The following CD300LF variants were observed in gnomAD, a reference collection of about 807,000 sequenced individuals.
The protein encoded by CD300LF is CD300 molecule like family member f, also known as CMRF35-like molecule 1.
A neutral mutation model predicts 32.2 loss-of-function variants in CD300LF; 27 were observed. The observed-to-expected ratio is 0.84, with a 90% CI of 0.62 to 1.15. The LOEUF (loss-of-function observed/expected upper bound fraction) is 1.15. Ranked by LOEUF, CD300LF falls within the 50% of genes most tolerant of loss-of-function variation. The probability of loss-of-function intolerance (pLI) is 0.00; values close to 1 mark genes in which losing one functional copy is unlikely to be tolerated. For missense variants in CD300LF, 348 were observed against 356.8 expected (o/e 0.98, Z 0.20); for synonymous variants, 139 against 143.2 (o/e 0.97, Z 0.21).
chr17:74,710,500 A>T (rs990667206), intron 1 of CD300LF, among the ~76,000 whole-genome samples: 1 of 152,226 alleles, frequency 6.6e-6, no homozygotes, highest in African/African-American at 2.4e-5. Context: ...CATTTACATT[A>T]GCAATAAAAG....
rs549930940 is a variant in CD300LF, at chr17:74,698,198, T to G, written c.559+171A>C. On this transcript the variant is annotated intron_variant, in intron 4 of 6. Transcript: ENST00000326165. ...ATGCCAAAACCTCCTGGGGCTCCCC[T>G]GCAAGCTCCAGGGCGCCCCCCGGTC... 4.8e-3 allele frequency among the ~76,000 whole-genome samples: 724 copies of G among 152,320 alleles called. 5 individuals are homozygous for G. Among genetic ancestry groups the G allele is most frequent in the Non-Finnish European group, 6.1e-3 (418 of 68,018 alleles).
In CD300LF at chr17:74,704,509, A is replaced by G. The variant is rs1441239758; in HGVS notation, c.351T>C (p.Leu117=). The change falls in exon 2 of 7, where the codon CTT becomes CTC. Residue 117 remains leucine (L), a synonymous_variant. Coordinates refer to ENST00000326165, the MANE Select transcript of CD300LF (RefSeq NM_139018.5). ...WCGIEKTGND[L]GVTVQVTIDP... Reference sequence around the variant, plus strand: ...CAATGGTCACTTGAACTGTGACCCCAAGGTCATTTCCAGTTTTCTCAATTC... The same window carrying G: ...CAATGGTCACTTGAACTGTGACCCCGAGGTCATTTCCAGTTTTCTCAATTC... 6.2e-7 allele frequency: 1 copy of G among 1,613,942 alleles called. No homozygotes were observed. The highest frequency in any genetic ancestry group is 2.2e-5 in the East Asian group (1 of 44,886).
Position 74,704,472 on chromosome 17 carries a change from T to A in CD300LF, c.382+6A>T, listed in dbSNP as rs769410666. The A allele has an allele frequency of 6.2e-7, 1 of 1,602,744 alleles. No homozygotes were observed. Among genetic ancestry groups the A allele is most frequent in the Non-Finnish European group, 8.5e-7 (1 of 1,172,298 alleles). ...GAGACACACACATATATACACTCCC[T>A]CTTACCTGGGTCAATGGTCACTTGA... On this transcript the variant is annotated splice_donor_region_variant and intron_variant, in intron 2 of 6. Transcript: ENST00000326165.
chr17:74,706,629 T>C (rs765676085), intron 1 of CD300LF, among the ~76,000 whole-genome samples: 3 of 151,956 alleles, frequency 2.0e-5, no homozygotes, highest in Non-Finnish European at 2.9e-5. Context: ...GATGGCGCCA[T>C]AGCACTCCAG....
chr17:74,709,630 G>A (rs944484209), intron 1 of CD300LF, among the ~76,000 whole-genome samples: 1 of 151,938 alleles, frequency 6.6e-6, no homozygotes, highest in Non-Finnish European at 1.5e-5. Context: ...GCACTGGTAC[G>A]AACATGGGTC....
chr17:74,710,343 G>A (rs767851871), intron 1 of CD300LF, among the ~76,000 whole-genome samples: 132 of 145,202 alleles, frequency 9.1e-4, no homozygotes, highest in Non-Finnish European at 1.7e-3. Context: ...AGGGAAAAAA[G>A]TTAGAGAAAA....
chr17:74,705,334 C>G (rs2033420738), intron 1 of CD300LF: 1 of 675,456 alleles, frequency 1.5e-6, no homozygotes, highest in Admixed American at 2.0e-5. Flanking sequence ...GGATGAATGC[C>G]TTTGAAGTTG....
rs963685644 is a variant in CD300LF at position 74,700,154 on chromosome 17, A to C, written c.447-1673T>G. 2.7e-5 allele frequency among the ~76,000 whole-genome samples: 4 copies of C among 150,098 alleles called. No homozygotes were observed. The East Asian group carries it at 8.0e-4, about 30-fold the overall frequency. ...AAGACCCTGTCTCAATAAATAAATAAATAAATAAATAAATAAACAAACAAA... is the reference window on the plus strand; with the variant it reads ...AAGACCCTGTCTCAATAAATAAATACATAAATAAATAAATAAACAAACAAA... On this transcript the variant is annotated intron_variant, in intron 3 of 6. Transcript: ENST00000326165.
chr17:74,706,857 C>T (rs563269048), intron 1 of CD300LF, among the ~76,000 whole-genome samples: 4 of 152,260 alleles, frequency 2.6e-5, no homozygotes, highest in South Asian at 2.1e-4. Context: ...GGGAAAGAAG[C>T]GGGCCCTGTG....
At chr17:74,705,589 CT>C (rs1022549166) in intron 1 of CD300LF, among the ~76,000 whole-genome samples, 1 of 151,122 alleles carries the variant, frequency 6.6e-6, no homozygotes, top group African/African-American at 2.4e-5. Flanking sequence ...TTCTTTTTCT[CT>C]TTTTTTCTTT....
intron 1 of CD300LF, chr17:74,705,089 C>T: frequency 1.5e-6 from 1 of 652,406 alleles, no homozygotes; most frequent in Non-Finnish European, 2.8e-6. Context: ...CCTCTCTCCA[C>T]CCTACGGCCA....
At chr17:74,695,363 C>A (rs1293959427) in intron 6 of CD300LF, 112 bp from the exon 7 acceptor site, 50 of 1,273,062 alleles carry the variant, frequency 3.9e-5, no homozygotes, top group Non-Finnish European at 4.9e-5. Context: ...GCTTCTAATC[C>A]CACTCAAGCC....
At chr17:74,701,740 C>T (rs1322342776) in intron 3 of CD300LF, among the ~76,000 whole-genome samples, 1 of 151,420 alleles carries the variant, frequency 6.6e-6, no homozygotes, top group African/African-American at 2.4e-5. Context: ...GTTGCAGCTA[C>T]TCGAGAAGCT....
At position 74,703,010 on chromosome 17, in the gene CD300LF, C is replaced by T. The variant is rs2033198520; in HGVS notation, c.446+25G>A. ...TTGGAGGAGTTTGGGCCAAGTAGGC[C>T]ACAGTGGAACCAGAGCTGGCTTACC... On this transcript the variant is annotated intron_variant, in intron 3 of 6. Coordinates refer to ENST00000326165, the MANE Select transcript of CD300LF (RefSeq NM_139018.5). 4 of 1,592,354 alleles carry T rather than the reference C, an allele frequency of 2.5e-6. No homozygotes were observed. The African/African-American group carries it at 5.4e-5, about 21-fold the overall frequency.
chr17:74,707,672 G>A (rs1335211239), intron 1 of CD300LF, among the ~76,000 whole-genome samples: 2 of 150,220 alleles, frequency 1.3e-5, no homozygotes, highest in Non-Finnish European at 3.0e-5. Context: ...CCAAGATCGT[G>A]CCACTGCATT....
At chr17:74,708,303 C>A (rs1014596528) in intron 1 of CD300LF, among the ~76,000 whole-genome samples, 1 of 152,094 alleles carries the variant, frequency 6.6e-6, no homozygotes, top group Non-Finnish European at 1.5e-5. Context: ...GAATAAAACT[C>A]CAGACCCATA....
intron 1 of CD300LF, among the ~76,000 whole-genome samples, chr17:74,706,606 T>C (rs1397632659): frequency 6.6e-6 from 1 of 152,092 alleles, no homozygotes; most frequent in Non-Finnish European, 1.5e-5. Flanking sequence ...AGGCAGAGGT[T>C]GCAATGAGCC....
chr17:74,703,993 A>G (rs1194642736), intron 2 of CD300LF, among the ~76,000 whole-genome samples: 1 of 152,222 alleles, frequency 6.6e-6, no homozygotes, highest in Non-Finnish European at 1.5e-5. Context: ...GGACTTGGGA[A>G]TTAGACCCCA....
chr17:74,695,668 A>G (rs2032380087), intron 6 of CD300LF, 57 bp downstream of exon 6: 1 of 1,611,110 alleles, frequency 6.2e-7, no homozygotes, highest in Non-Finnish European at 8.5e-7. Context: ...ACGGGGTGCA[A>G]CGGCAGGCCT....
Sources: gnomAD v4.1 joint callset for allele counts (sites outside exome capture counted in the v4.1 genomes callset) on GRCh38, gnomAD v4.1.1 for gene constraint, MANE v1.5 for transcripts, NCBI Gene and HGNC (gene_info 2026-07-23, HGNC 2026-07-21) for gene names.